The following METTL15 variants were observed in gnomAD, a reference collection of about 807,000 sequenced individuals.
The protein encoded by METTL15 is methyltransferase 15, mitochondrial 12S rRNA N4-cytidine.
In METTL15, 34 loss-of-function variants were observed where a neutral mutation model predicts 38.3. That is an observed-to-expected ratio of 0.89 (90% CI 0.68 to 1.18). The LOEUF (loss-of-function observed/expected upper bound fraction) is 1.18. Ranked by LOEUF, METTL15 falls within the 50% of genes most tolerant of loss-of-function variation. The pLI is 0.00. For missense variants in METTL15, 438 were observed against 498.4 expected (o/e 0.88, Z 1.15); for synonymous variants, 162 against 170.9 (o/e 0.95, Z 0.41).
intron 5 of METTL15, among the ~76,000 whole-genome samples, chr11:28,376,881 CTTGTCTGTAAAGTATTTTA>C (rs1850320322): frequency 2.8e-5 from 4 of 141,718 alleles, no homozygotes; most frequent in Non-Finnish European, 6.3e-5. Context: ...TCAGCATTTG[CTTGTCTGTAAAGTATTTTA>C]TTTCTCCTTC....
chr11:28,406,226 A>G (rs1470006680), intron 5 of METTL15, among the ~76,000 whole-genome samples: 1 of 151,558 alleles, frequency 6.6e-6, no homozygotes, highest in African/African-American at 2.4e-5. Context: ...AATATTTTCC[A>G]TTTGTTTTTG....
At chr11:28,233,980 G>A (rs564243098) in intron 4 of METTL15, among the ~76,000 whole-genome samples, 1 of 115,492 alleles carries the variant, frequency 8.7e-6, no homozygotes, top group East Asian at 2.7e-4. Context: ...ACAGTCCCCA[G>A]AGTGTGATGT....
At chr11:28,335,098 T>G (rs1191529071), downstream of METTL15, among the ~76,000 whole-genome samples, 1 of 152,212 alleles carries the variant, frequency 6.6e-6, no homozygotes, top group Non-Finnish European at 1.5e-5. Flanking sequence ...ACTTGATTCT[T>G]GAATAATTAT....
intron 6 of METTL15, among the ~76,000 whole-genome samples, chr11:28,444,621 T>G (rs1851060714): frequency 6.6e-6 from 1 of 152,172 alleles, no homozygotes; most frequent in Non-Finnish European, 1.5e-5. Context: ...TCACTTACCA[T>G]TTTTGAGCCT....
intron 5 of METTL15, among the ~76,000 whole-genome samples, chr11:28,374,490 G>T (rs992743240): frequency 1.9e-4 from 27 of 142,558 alleles, no homozygotes; most frequent in Non-Finnish European, 3.8e-4. Flanking sequence ...GTATAGGAAT[G>T]CTTGTGATTT....
At chr11:28,239,021 C>G (rs1854165549) in intron 4 of METTL15, among the ~76,000 whole-genome samples, 1 of 151,882 alleles carries the variant, frequency 6.6e-6, no homozygotes, top group African/African-American at 2.4e-5. Flanking sequence ...TTCTTTTGCC[C>G]TAATATTTGT....
intron 3 of METTL15, among the ~76,000 whole-genome samples, chr11:28,350,655 C>A (rs183219115): frequency 1.2e-3 from 184 of 152,126 alleles, no homozygotes; most frequent in African/African-American, 4.4e-3. Context: ...AGCACCTGAC[C>A]CCAAATAGGG....
chr11:28,197,422 A>G, intron 3 of METTL15: 1 of 331,752 alleles, frequency 3.0e-6, no homozygotes, highest in Non-Finnish European at 6.4e-6. Flanking sequence ...ATTTATTTAT[A>G]TGACACTACT....
At chr11:28,237,450 C>T (rs1009207790) in intron 4 of METTL15, among the ~76,000 whole-genome samples, 3 of 152,196 alleles carry the variant, frequency 2.0e-5, no homozygotes, top group Non-Finnish European at 4.4e-5. Flanking sequence ...CTTTCAGCTC[C>T]ATCAGCTCCT....
intron 6 of METTL15, among the ~76,000 whole-genome samples, chr11:28,489,083 A>G (rs1258052857): frequency 6.6e-6 from 1 of 152,112 alleles, no homozygotes; most frequent in African/African-American, 2.4e-5. Context: ...TCTTCAAGCA[A>G]TCACTACCAA....
intron 6 of METTL15, among the ~76,000 whole-genome samples, chr11:28,473,685 C>T (rs972263885): frequency 6.6e-6 from 1 of 152,112 alleles, no homozygotes; most frequent in Non-Finnish European, 1.5e-5. Context: ...GCATAGAATC[C>T]AAACTCCGCA....
rs199617368 is a variant in METTL15 at position 28,174,828 on chromosome 11, AAAC to A, written c.271-36232_271-36230del. Among the ~76,000 whole-genome samples the A allele has an allele frequency of 5.4e-5, 8 of 146,888 alleles. 1 individual carries two copies. The highest frequency in any genetic ancestry group is 6.0e-5 in the Non-Finnish European group (4 of 66,196). Reference sequence around the variant, plus strand: ...AGATTCTGTCTCAAAAAAAAAAAAAAAACATAAAAAAGCAAAAAAAGCAAATCT... The same window carrying A: ...AGATTCTGTCTCAAAAAAAAAAAAAAATAAAAAAGCAAAAAAAGCAAATCT... On this transcript the variant is annotated intron_variant, in intron 3 of 6. Transcript: ENST00000407364.
chr11:28,207,722 G>A (rs1590158995), intron 3 of METTL15, among the ~76,000 whole-genome samples: 1 of 152,164 alleles, frequency 6.6e-6, no homozygotes, highest in Non-Finnish European at 1.5e-5. Context: ...GAATTTGGCT[G>A]TGAATCCATC....
At chr11:28,450,646 C>G (rs559245265) in intron 6 of METTL15, among the ~76,000 whole-genome samples, 28 of 152,296 alleles carry the variant, frequency 1.8e-4, no homozygotes, top group African/African-American at 6.5e-4. Context: ...AGTTATTAAT[C>G]TGGATTTAGT....
chr11:28,236,941 C>G (rs1854013713), intron 4 of METTL15, among the ~76,000 whole-genome samples: 1 of 152,162 alleles, frequency 6.6e-6, no homozygotes, highest in Non-Finnish European at 1.5e-5. Context: ...CCACTCTATT[C>G]TAGCTTGTAG....
At chr11:28,474,128 G>A (rs537125078) in intron 6 of METTL15, among the ~76,000 whole-genome samples, 1 of 151,590 alleles carries the variant, frequency 6.6e-6, no homozygotes, top group South Asian at 2.1e-4. Flanking sequence ...ACTTATAGAT[G>A]TATAAGTATA....
intron 5 of METTL15, among the ~76,000 whole-genome samples, chr11:28,396,228 T>G (rs1421432058): frequency 1.3e-5 from 2 of 152,322 alleles, no homozygotes; most frequent in Non-Finnish European, 2.9e-5. Flanking sequence ...AACGTAGTGT[T>G]GGAAGTTCTG....
intron 3 of METTL15, among the ~76,000 whole-genome samples, chr11:28,206,369 T>TTTCCCCA (rs1280083504): frequency 6.6e-6 from 1 of 152,166 alleles, no homozygotes; most frequent in Admixed American, 6.5e-5. Context: ...TGGGGAATCC[T>TTTCCCCA]TTCCCCATTT....
intron 5 of METTL15, among the ~76,000 whole-genome samples, chr11:28,389,294 A>G (rs1170397627): frequency 1.3e-5 from 2 of 150,800 alleles, no homozygotes; most frequent in African/African-American, 2.4e-5. Context: ...GGTTAGTTAC[A>G]TATGTATACA....
Sources: gnomAD v4.1 joint callset for allele counts (sites outside exome capture counted in the v4.1 genomes callset) on GRCh38, gnomAD v4.1.1 for gene constraint, MANE v1.5 for transcripts, NCBI Gene and HGNC (gene_info 2026-07-23, HGNC 2026-07-21) for gene names.